Variants in ORC2 observed in about 807,000 individuals in gnomAD.
The protein encoded by ORC2 is origin recognition complex subunit 2.
In ORC2, 37 loss-of-function variants were observed where a neutral mutation model predicts 77.7. That is an observed-to-expected ratio of 0.48 (90% CI 0.37 to 0.63). The LOEUF (loss-of-function observed/expected upper bound fraction) is 0.63, where lower values mean the gene tolerates loss of function less well. Among genes scored for constraint, ORC2 ranks in the 20% least tolerant of loss-of-function variants. The probability of loss-of-function intolerance (pLI) is 0.00; values close to 1 mark genes in which losing one functional copy is unlikely to be tolerated. For missense variants in ORC2, 557 were observed against 661.9 expected (o/e 0.84, Z 1.74); for synonymous variants, 201 against 229.5 (o/e 0.88, Z 1.12).
At chr2:200,956,972 T>A (rs560149300) in intron 4 of ORC2, among the ~76,000 whole-genome samples, 1 of 151,726 alleles carries the variant, frequency 6.6e-6, no homozygotes, top group East Asian at 1.9e-4. Context: ...TGAGAACACA[T>A]GGACACAGGG....
chr2:200,940,998 T>C (rs1034613137), intron 7 of ORC2, among the ~76,000 whole-genome samples: 1 of 152,038 alleles, frequency 6.6e-6, no homozygotes, highest in Non-Finnish European at 1.5e-5. Context: ...AGCACAACAG[T>C]TGGGTCTGGG....
intron 5 of ORC2, chr2:200,942,988 C>T (rs1321588875): frequency 1.7e-5 from 6 of 352,040 alleles, no homozygotes; most frequent in Non-Finnish European, 3.1e-5. Context: ...CCACAGATTT[C>T]TTTAAAAGAA....
intron 13 of ORC2, 49 bp from the exon 14 acceptor site, chr2:200,921,188 C>A (rs1358584601): frequency 1.5e-6 from 2 of 1,301,526 alleles, no homozygotes; most frequent in South Asian, 1.5e-5. Flanking sequence ...TTTAGAGGGT[C>A]TCACTCTGTT....
At chr2:200,941,316 A>T (rs750231552) in intron 6 of ORC2, 37 bp from the exon 7 acceptor site, 2 of 1,587,288 alleles carry the variant, frequency 1.3e-6, no homozygotes, top group Non-Finnish European at 1.7e-6. Context: ...CTTACTACGG[A>T]CACTTCACTT....
rs747191370 is a variant in ORC2 at position 200,935,808 on chromosome 2, T to G, written c.599A>C (p.Glu200Ala). The part of the protein sequence containing the change: ...DDEGVAQEHE[E>A]DTNAVIFSQK... Reference sequence around the variant, plus strand: ...GCTGAATATGACTGCATTAGTGTCCTCTTCATGTTCCTGTGCAACCCCTTC... The same window carrying G: ...GCTGAATATGACTGCATTAGTGTCCGCTTCATGTTCCTGTGCAACCCCTTC... The change falls in exon 9 of 18, where the codon GAG becomes GCG. Residue 200 changes from glutamate to alanine, a missense_variant. By Grantham distance (107) the Glu-to-Ala change is moderately radical. Transcript: ENST00000234296. 4.3e-6 allele frequency: 7 copies of G among 1,614,018 alleles called. No individual in the cohort carries two copies. The South Asian group carries it at 7.7e-5, about 18-fold the overall frequency.
chr2:200,927,030 T>C (rs1341148652), intron 11 of ORC2, 130 bp from the exon 12 acceptor site: 2 of 910,518 alleles, frequency 2.2e-6, no homozygotes, highest in African/African-American at 1.7e-5. Flanking sequence ...GGCTCAAGCC[T>C]GTAATCCCCG....
At chr2:200,953,347 T>C (rs1490036901) in intron 4 of ORC2, among the ~76,000 whole-genome samples, 1 of 150,806 alleles carries the variant, frequency 6.6e-6, no homozygotes, top group Middle Eastern at 3.2e-3. Flanking sequence ...CTCTGAGAAT[T>C]TAACGATATG....
intron 13 of ORC2, among the ~76,000 whole-genome samples, chr2:200,922,436 G>GA (rs59943696): frequency 0.32 from 47,963 of 148,572 alleles, 10,519 homozygotes; most frequent in African/African-American, 0.62. Context: ...GAAACCGTAT[G>GA]AAACAGAAAA....
chr2:200,942,155 A>G (rs531363317), intron 6 of ORC2, among the ~76,000 whole-genome samples: 90 of 152,276 alleles, frequency 5.9e-4, no homozygotes, highest in Non-Finnish European at 1.0e-4. Context: ...TGAATAGCCA[A>G]TGCACTTCAG....
chr2:200,918,474 TTTTTC>T (rs1332795154), intron 15 of ORC2, among the ~76,000 whole-genome samples: 1 of 151,936 alleles, frequency 6.6e-6, no homozygotes, highest in African/African-American at 2.4e-5. Context: ...GTTCCCTCTT[TTTTTC>T]TTTTTTCTTC....
intron 13 of ORC2, among the ~76,000 whole-genome samples, chr2:200,924,296 G>C (rs952758347): frequency 7.9e-5 from 12 of 151,956 alleles, no homozygotes; most frequent in African/African-American, 2.9e-4. Flanking sequence ...GTAGTGAGCT[G>C]TGTTTGTGCC....
At chr2:200,937,567 A>G (rs1256395408) in intron 8 of ORC2, among the ~76,000 whole-genome samples, 1 of 152,202 alleles carries the variant, frequency 6.6e-6, no homozygotes, top group Non-Finnish European at 1.5e-5. Context: ...ATTTCCTAGA[A>G]GGCAGAAGCC....
chr2:200,915,914 T>A (rs2040641242), intron 15 of ORC2, among the ~76,000 whole-genome samples: 2 of 152,042 alleles, frequency 1.3e-5, no homozygotes, highest in Admixed American at 1.3e-4. Context: ...AGGCTGGTCC[T>A]GAACTCCTGG....
intron 5 of ORC2, among the ~76,000 whole-genome samples, chr2:200,946,089 TCTAA>T (rs1045256947): frequency 6.6e-6 from 1 of 152,216 alleles, no homozygotes; most frequent in Admixed American, 6.5e-5. Context: ...AGCCTTCCTA[TCTAA>T]CTTATAGTCT....
intron 10 of ORC2, among the ~76,000 whole-genome samples, chr2:200,933,213 A>T (rs925590287): frequency 6.6e-6 from 1 of 151,756 alleles, no homozygotes; most frequent in Admixed American, 6.6e-5. Flanking sequence ...CCCAGCAAGT[A>T]TAACTGTATG....
chr2:200,944,008 G>A (rs2041203632), intron 5 of ORC2, among the ~76,000 whole-genome samples: 1 of 151,784 alleles, frequency 6.6e-6, no homozygotes, highest in Non-Finnish European at 1.5e-5. Flanking sequence ...ACAGGATAGG[G>A]AAAAAACTTC....
chr2:200,928,770 C>T (rs2040886886), intron 11 of ORC2, among the ~76,000 whole-genome samples: 1 of 151,060 alleles, frequency 6.6e-6, no homozygotes, highest in South Asian at 2.1e-4. Context: ...GCCGAGATTG[C>T]ACCACTGCAC....
intron 1 of ORC2, among the ~76,000 whole-genome samples, chr2:200,960,380 T>C (rs758863116): frequency 1.0e-3 from 154 of 152,254 alleles, no homozygotes; most frequent in Middle Eastern, 6.8e-3. Flanking sequence ...AGATAATAAA[T>C]ACTTCATCTA....
chr2:200,955,360 G>A (rs1312182504), intron 4 of ORC2, among the ~76,000 whole-genome samples: 2 of 152,086 alleles, frequency 1.3e-5, no homozygotes, highest in Non-Finnish European at 1.5e-5. Flanking sequence ...GTCATTTTTT[G>A]TATAACTCTA....
Sources: allele counts gnomAD v4.1 joint callset (sites outside exome capture counted in the v4.1 genomes callset), GRCh38; gene constraint gnomAD v4.1.1; transcripts MANE v1.5; gene names NCBI Gene and HGNC (gene_info 2026-07-23, HGNC 2026-07-21).